The following PSMF1 variants were observed in gnomAD, a reference collection of about 807,000 sequenced individuals.
The protein encoded by PSMF1 is proteasome inhibitor subunit 1.
A neutral mutation model predicts 29.3 loss-of-function variants in PSMF1; 30 were observed. The observed-to-expected ratio is 1.02, with a 90% confidence interval of 0.77 to 1.39. PSMF1 has a LOEUF of 1.39. Among genes scored for constraint, PSMF1 ranks in the 40% most tolerant of loss-of-function variants. The pLI is 0.00. For synonymous variants in PSMF1, 134 were observed against 139.7 expected (o/e 0.96, Z 0.29); for missense variants, 344 against 357.5 (o/e 0.96, Z 0.31).
chr20:1,119,929 G>A (rs1487041660), intron 1 of PSMF1, among the ~76,000 whole-genome samples: 1 of 151,976 alleles, frequency 6.6e-6, no homozygotes, highest in African/African-American at 2.4e-5. Context: ...TCTCCTTTTT[G>A]ACTGCTTCAG....
chr20:1,160,509 G>A, intron 4 of PSMF1: 1 of 282,130 alleles, frequency 3.5e-6, no homozygotes, highest in Non-Finnish European at 7.4e-6. Context: ...TATATAAGAG[G>A]GTCTCACTCA....
intron 4 of PSMF1, among the ~76,000 whole-genome samples, chr20:1,146,304 T>C (rs1295992160): frequency 6.6e-6 from 1 of 152,086 alleles, no homozygotes; most frequent in Non-Finnish European, 1.5e-5. Flanking sequence ...TTTTTTTTTT[T>C]TAGGGAGAAG....
chr20:1,160,949 T>C (rs527359719), intron 4 of PSMF1: 7 of 440,732 alleles, frequency 1.6e-5, no homozygotes, highest in Non-Finnish European at 3.2e-5. Context: ...GCTCAGATCA[T>C]GTTTGAGACC....
upstream of PSMF1, among the ~76,000 whole-genome samples, chr20:1,113,998 C>T (rs1323736342): frequency 2.0e-5 from 3 of 152,172 alleles, no homozygotes; most frequent in Non-Finnish European, 2.9e-5. Context: ...GCCTGGGTTA[C>T]GGACTTTCTA....
Position 1,171,466 on chromosome 20 carries a change from A to C in PSMF1, c.*6386A>C, listed in dbSNP as rs986141202. 5.9e-5 allele frequency among the ~76,000 whole-genome samples: 9 copies of C among 152,206 alleles called. No homozygotes were observed. Among genetic ancestry groups the C allele is most frequent in the African/African-American group, 2.2e-4 (9 of 41,442 alleles). Reference sequence around the variant, plus strand: ...CTTCCCTATTGACAGGTGAAAAAGCAGGTCCACAGCTGTTGAGTGACTTTC... The same window carrying C: ...CTTCCCTATTGACAGGTGAAAAAGCCGGTCCACAGCTGTTGAGTGACTTTC... On this transcript the variant is annotated 3_prime_UTR_variant, in exon 7 of 7. Transcript: ENST00000335877.
chr20:1,120,513 C>T (rs1423248672), intron 1 of PSMF1, among the ~76,000 whole-genome samples: 2 of 152,176 alleles, frequency 1.3e-5, no homozygotes, highest in Admixed American at 6.5e-5. Flanking sequence ...GCGTCAGGCC[C>T]CTCTTTCAAT....
intron 4 of PSMF1, among the ~76,000 whole-genome samples, chr20:1,135,914 T>G (rs528803784): frequency 8.5e-5 from 13 of 152,298 alleles, no homozygotes; most frequent in Admixed American, 6.5e-5. Context: ...GACCCTAGTC[T>G]CTAGCTGAGA....
intron 4 of PSMF1, among the ~76,000 whole-genome samples, chr20:1,147,776 A>G (rs1029357521): frequency 1.3e-5 from 2 of 152,042 alleles, no homozygotes; most frequent in African/African-American, 2.4e-5. Context: ...TTTCTTTACT[A>G]TAGCTCCCAT....
intron 1 of PSMF1, among the ~76,000 whole-genome samples, chr20:1,121,934 A>G (rs1403212053): frequency 6.6e-6 from 1 of 152,244 alleles, no homozygotes; most frequent in Non-Finnish European, 1.5e-5. Context: ...GGTTATCGAC[A>G]TAAGTTAGAG....
At chr20:1,155,236 C>T (rs2086579258) in intron 4 of PSMF1, among the ~76,000 whole-genome samples, 1 of 152,204 alleles carries the variant, frequency 6.6e-6, no homozygotes, top group Admixed American at 6.5e-5. Context: ...GCTAAAGGAG[C>T]AGGGAAAGGC....
At chr20:1,122,643 T>A (rs937855177) in intron 1 of PSMF1, among the ~76,000 whole-genome samples, 5 of 152,222 alleles carry the variant, frequency 3.3e-5, no homozygotes, top group African/African-American at 1.2e-4. Flanking sequence ...ACCACGTGAC[T>A]GTGTACTTAG....
Position 1,164,304 on chromosome 20 carries a change from T to G in PSMF1, c.606-14T>G. 6.2e-7 allele frequency: 1 copy of G among 1,610,944 alleles called. No individual in the cohort carries two copies. Among genetic ancestry groups the G allele is most frequent in the East Asian group, 2.2e-5 (1 of 44,862 alleles). On this transcript the variant is annotated splice_polypyrimidine_tract_variant and intron_variant, in intron 5 of 6. Transcript: ENST00000335877. This position sits in a 1 kb window ranked among gnomAD's most constrained non-coding sequence, Gnocchi z 4.1. ...TTGCCACACCTGCTTACCTAACTTT[T>G]CTTCTTGCCTCAGGCCTCGGAGAGG...
intron 4 of PSMF1, among the ~76,000 whole-genome samples, chr20:1,137,360 T>A (rs4142353): frequency 0.8 from 122,141 of 152,136 alleles, 49,451 homozygotes; most frequent in Non-Finnish European, 0.83. Context: ...GGACTTTATA[T>A]TAGGTGGATC....
chr20:1,125,900 C>T lies in PSMF1; in HGVS notation c.282+250C>T, dbSNP rs550175005. The T allele has an allele frequency of 1.9e-4, 120 of 642,032 alleles. 1 individual carries two copies. The highest frequency in any genetic ancestry group is 1.6e-3 in the South Asian group (110 of 68,346). 39.8% of individuals were successfully genotyped at this position (642,032 alleles called of 1,614,324 possible). ...AGGGGAATGGTTAAATAAGGTAAATCTATTCAGTGACAAGATAGAAGGGAA... is the reference window on the plus strand; with the variant it reads ...AGGGGAATGGTTAAATAAGGTAAATTTATTCAGTGACAAGATAGAAGGGAA... On this transcript the variant is annotated intron_variant, in intron 2 of 6. Transcript: ENST00000335877.
At chr20:1,141,562 C>T (rs2086380809) in intron 4 of PSMF1, among the ~76,000 whole-genome samples, 4 of 151,894 alleles carry the variant, frequency 2.6e-5, no homozygotes, top group Admixed American at 2.6e-4. Flanking sequence ...ATCATCATAC[C>T]AGCAAACGTG....
At chr20:1,134,897 A>G in intron 3 of PSMF1, 1 of 632,986 alleles carries the variant, frequency 1.6e-6, no homozygotes, top group Non-Finnish European at 2.9e-6. Context: ...AGGAGGGGCA[A>G]CTCAGATGCC....
At chr20:1,161,002 C>T in intron 4 of PSMF1, 1 of 393,556 alleles carries the variant, frequency 2.5e-6, no homozygotes, top group Middle Eastern at 5.8e-4. Flanking sequence ...GGCCATACTT[C>T]TATGCCTCTG....
chr20:1,128,798 C>G (rs929099888), intron 3 of PSMF1, among the ~76,000 whole-genome samples: 1 of 151,962 alleles, frequency 6.6e-6, no homozygotes, highest in South Asian at 2.1e-4. Flanking sequence ...TGTGACTGTT[C>G]AAGCAATTCT....
intron 4 of PSMF1, 61 bp downstream of exon 4, chr20:1,135,367 C>A: frequency 6.7e-7 from 1 of 1,482,164 alleles, no homozygotes; most frequent in Non-Finnish European, 9.1e-7. Context: ...AGCCAGCTAT[C>A]CCCATCCTGC....
Sources: allele counts gnomAD v4.1 joint callset (sites outside exome capture counted in the v4.1 genomes callset), GRCh38; gene constraint gnomAD v4.1.1; non-coding constraint Gnocchi (gnomAD v3.1); transcripts MANE v1.5; gene names NCBI Gene and HGNC (gene_info 2026-07-23, HGNC 2026-07-21).